ADGB: variants seen among roughly 807,000 people sequenced by gnomAD.
ADGB encodes calpain-7-like protein.
A neutral mutation model predicts 210.5 loss-of-function variants in ADGB; 172 were observed. The observed-to-expected ratio is 0.82, with a 90% CI of 0.72 to 0.93. The LOEUF (loss-of-function observed/expected upper bound fraction) is 0.93. ADGB is among the 40% of genes least tolerant of loss of function. The pLI is 0.00. For synonymous variants in ADGB, 658 were observed against 662.7 expected (o/e 0.99, Z 0.11); for missense variants, 2,025 against 1,964.8 (o/e 1.03, Z -0.58).
intron 32 of ADGB, among the ~76,000 whole-genome samples, chr6:146,786,385 G>A (rs575987629): frequency 2.6e-5 from 4 of 151,854 alleles, no homozygotes; most frequent in South Asian, 4.1e-4. Context: ...TGAGGTGTCC[G>A]TGGAGGCAGA....
intron 1 of ADGB, among the ~76,000 whole-genome samples, chr6:146,611,675 C>T (rs1188129407): frequency 1.3e-5 from 2 of 152,146 alleles, no homozygotes. Flanking sequence ...TGTCCTCCCC[C>T]CATCTCCTCT....
chr6:146,685,207 A>T (rs1776214304), intron 9 of ADGB, among the ~76,000 whole-genome samples: 1 of 152,126 alleles, frequency 6.6e-6, no homozygotes, highest in Non-Finnish European at 1.5e-5. Flanking sequence ...AGCAACGCTT[A>T]AAAGCAAATT....
At chr6:146,745,634 A>T (rs370888006) in intron 25 of ADGB, among the ~76,000 whole-genome samples, 3 of 152,232 alleles carry the variant, frequency 2.0e-5, no homozygotes, top group Non-Finnish European at 2.9e-5. Flanking sequence ...GCATTAGAAG[A>T]ATTAGAAGAG....
intron 3 of ADGB, among the ~76,000 whole-genome samples, chr6:146,652,047 A>T (rs1421087620): frequency 3.9e-5 from 6 of 152,118 alleles, no homozygotes; most frequent in Non-Finnish European, 8.8e-5. Context: ...AGTGGCCCAG[A>T]CCCTTGAGCA....
chr6:146,637,168 T>A (rs1250986795), intron 2 of ADGB, among the ~76,000 whole-genome samples: 1 of 152,010 alleles, frequency 6.6e-6, no homozygotes, highest in East Asian at 1.9e-4. Flanking sequence ...CAGTTCCACA[T>A]TCACCTTGTT....
At chr6:146,693,990 TAAG>T (rs1304966020) in intron 12 of ADGB, among the ~76,000 whole-genome samples, 1 of 152,184 alleles carries the variant, frequency 6.6e-6, no homozygotes, top group African/African-American at 2.4e-5. Context: ...ATATATTTTC[TAAG>T]AAGATTGAGG....
intron 9 of ADGB, among the ~76,000 whole-genome samples, chr6:146,685,154 A>G (rs1290938353): frequency 6.6e-6 from 1 of 152,086 alleles, no homozygotes; most frequent in Non-Finnish European, 1.5e-5. Context: ...AAAATAATCA[A>G]ATAGAATAAT....
At chr6:146,682,394 G>A (rs1201551741) in intron 9 of ADGB, among the ~76,000 whole-genome samples, 1 of 152,052 alleles carries the variant, frequency 6.6e-6, no homozygotes, top group East Asian at 1.9e-4. Flanking sequence ...TAATTAGTAT[G>A]GCAGTTGTAG....
At chr6:146,670,984 C>T (rs1475882797) in intron 7 of ADGB, among the ~76,000 whole-genome samples, 1 of 152,086 alleles carries the variant, frequency 6.6e-6, no homozygotes, top group Non-Finnish European at 1.5e-5. Context: ...GGGAATCCAA[C>T]TCACAGAAGA....
At chr6:146,645,307 G>C (rs1289425189) in intron 3 of ADGB, among the ~76,000 whole-genome samples, 1 of 151,916 alleles carries the variant, frequency 6.6e-6, no homozygotes, top group African/African-American at 2.4e-5. Context: ...GCATTTTCCA[G>C]AGAACACTTT....
At chr6:146,645,054 G>T (rs1775587626) in intron 3 of ADGB, among the ~76,000 whole-genome samples, 189 bp downstream of exon 3, 1 of 151,874 alleles carries the variant, frequency 6.6e-6, no homozygotes, top group Non-Finnish European at 1.5e-5. Flanking sequence ...TCTTGTACTG[G>T]CTTCTAAGAG....
chr6:146,783,410 C>T (rs1038852907), intron 30 of ADGB, among the ~76,000 whole-genome samples: 3 of 152,124 alleles, frequency 2.0e-5, no homozygotes, highest in African/African-American at 7.2e-5. Flanking sequence ...ATAAGATTAA[C>T]CCAATCCATA....
chr6:146,778,012 A>G (rs971498796), intron 29 of ADGB, among the ~76,000 whole-genome samples: 14 of 152,116 alleles, frequency 9.2e-5, no homozygotes, highest in Non-Finnish European at 1.2e-4. Context: ...ATATTTTGTG[A>G]CAACAAACAC....
At chr6:146,790,408 T>A (rs2114653137) in intron 33 of ADGB, among the ~76,000 whole-genome samples, 1 of 152,270 alleles carries the variant, frequency 6.6e-6, no homozygotes, top group African/African-American at 2.4e-5. Context: ...AAGTTCAACA[T>A]TTTTAGATTC....
intron 27 of ADGB, among the ~76,000 whole-genome samples, chr6:146,755,315 A>G (rs1222402963): frequency 6.6e-6 from 1 of 151,986 alleles, no homozygotes; most frequent in Non-Finnish European, 1.5e-5. Context: ...TTTGTGCCCC[A>G]CCCAAATCTC....
chr6:146,787,743 GCTCTTAAGTACTTTCCTATTGCCA>G (rs1777895129), intron 32 of ADGB, among the ~76,000 whole-genome samples: 1 of 139,098 alleles, frequency 7.2e-6, no homozygotes, highest in African/African-American at 2.7e-5. Flanking sequence ...ATTTCTTCAT[GCTCTTAAGTACTTTCCTATTGCCA>G]CCTTTCATTC....
At chr6:146,621,069 C>A (rs555323060) in intron 1 of ADGB, among the ~76,000 whole-genome samples, 29 of 152,266 alleles carry the variant, frequency 1.9e-4, no homozygotes, top group East Asian at 1.5e-3. Context: ...ACTGTTTCCT[C>A]GTGTAGAAAA....
intron 1 of ADGB, among the ~76,000 whole-genome samples, chr6:146,614,538 C>T (rs570531692): frequency 2.0e-5 from 3 of 152,106 alleles, no homozygotes; most frequent in African/African-American, 7.2e-5. Context: ...TTTTGTGTGG[C>T]TTCTTGTAAT....
chr6:146,679,132 C>T (rs1776124758), intron 9 of ADGB, among the ~76,000 whole-genome samples: 1 of 152,140 alleles, frequency 6.6e-6, no homozygotes, highest in African/African-American at 2.4e-5. Context: ...AATGGCCACA[C>T]CTGACTTTAA....
Sources: allele counts gnomAD v4.1 joint callset (sites outside exome capture counted in the v4.1 genomes callset), GRCh38; gene constraint gnomAD v4.1.1; transcripts MANE v1.5; gene names NCBI Gene and HGNC (gene_info 2026-07-23, HGNC 2026-07-21).